The following HTT variants were observed in gnomAD, a reference collection of about 807,000 sequenced individuals.
HTT encodes huntingtin.
A neutral mutation model predicts 362.3 loss-of-function variants in HTT; 104 were observed. The ratio of observed to expected loss-of-function variants is 0.29; its 90% CI spans 0.24 to 0.34. The LOEUF (loss-of-function observed/expected upper bound fraction) is 0.34. HTT is among the 10% of genes least tolerant of loss of function. The probability of loss-of-function intolerance (pLI) is 1.00; values close to 1 mark genes in which losing one functional copy is unlikely to be tolerated. For synonymous variants in HTT, 1,577 were observed against 1,548.7 expected, an observed-to-expected ratio of 1.02 and a Z score of -0.43; for missense variants, 3,301 against 3,928.6, an observed-to-expected ratio of 0.84 and a Z score of 4.27.
intron 1 of HTT, among the ~76,000 whole-genome samples, chr4:3,084,870 C>T (rs111811275): frequency 0.013 from 2,027 of 151,658 alleles, 53 homozygotes; most frequent in African/African-American, 0.047. Context: ...AAAAATTAGC[C>T]GGGTATAGTG....
Position 3,115,579 on chromosome 4 carries a change from C to G in HTT, c.889+134C>G, listed in dbSNP as rs367607563. 1.6e-4 allele frequency: 115 copies of G among 701,106 alleles called. 1 individual carries two copies. The African/African-American group carries it at 2.0e-3, about 12-fold the overall frequency. 43.4% of individuals were successfully genotyped at this position (701,106 alleles called of 1,614,324 possible). On this transcript the variant is annotated intron_variant, in intron 7 of 66. Coordinates refer to ENST00000355072, the MANE Select transcript of HTT (RefSeq NM_001388492.1). ...ACTGGTTGATTGAATGTGAACTGCA[C>G]TGGGGCTGCTGTGAGCCCGCATGGG... is the stretch of plus-strand genomic sequence containing the variant.
chr4:3,151,004 A>C (rs937802820), intron 26 of HTT, among the ~76,000 whole-genome samples: 6 of 151,222 alleles, frequency 4.0e-5, no homozygotes, highest in Non-Finnish European at 7.4e-5. Context: ...GTGCCATTGC[A>C]CTCCAGCCTG....
Position 3,229,086 on chromosome 4 carries a change from C to T in HTT, c.8109+77C>T, listed in dbSNP as rs1721068438. The stretch of plus-strand genomic sequence containing the variant: ...ACACGCCACACACCCCACACACACA[C>T]ACCGCCCACACACATGCCACTTGCA... On this transcript the variant is annotated intron_variant, in intron 59 of 66. Transcript: ENST00000355072. 3.6e-6 allele frequency: 5 copies of T among 1,401,230 alleles called. No individual in the cohort carries two copies. In the African/African-American group the frequency reaches 4.3e-5, roughly 12 times the overall value. The allele number at this position is 1,401,230 out of a possible 1,614,324, so 86.8% of individuals were successfully genotyped here. A position where few individuals can be genotyped will look rare whatever the true frequency, so the allele number is the denominator to read the frequency against.
rs1208340976 is a variant in HTT, at chr4:3,199,829, T to C, written c.5466T>C (p.Ala1822=). 2 of 1,614,074 alleles carry C rather than the reference T, an allele frequency of 1.2e-6. No homozygotes were observed. The highest frequency in any genetic ancestry group is 1.7e-6 in the Non-Finnish European group (2 of 1,180,036). The part of the protein sequence containing the change: ...FYTLDSLNLR[A]RSMITTHPAL... The stretch of plus-strand genomic sequence containing the variant: ...CCCTGGACAGCTTGAACTTGCGGGC[T>C]CGTTCCATGATCACCACCCACCCGG... Residue 1822 remains alanine, a synonymous_variant, in exon 41 of 67, where the codon GCT becomes GCC. Transcript: ENST00000355072.
At chr4:3,120,484 G>A (rs557387643) in intron 8 of HTT, among the ~76,000 whole-genome samples, 2 of 152,346 alleles carry the variant, frequency 1.3e-5, no homozygotes, top group East Asian at 3.9e-4. Flanking sequence ...AGGCTGCAGA[G>A]CGGTATTGGT....
intron 1 of HTT, among the ~76,000 whole-genome samples, chr4:3,079,025 A>G (rs1393639775): frequency 6.6e-6 from 1 of 152,108 alleles, no homozygotes; most frequent in Non-Finnish European, 1.5e-5. Flanking sequence ...TGCTGGGATT[A>G]CAGGCATGAG....
intron 40 of HTT, among the ~76,000 whole-genome samples, chr4:3,199,115 CCTT>C (rs1436385966): frequency 2.0e-5 from 3 of 152,240 alleles, no homozygotes; most frequent in Non-Finnish European, 4.4e-5. Context: ...TTCCCTGACT[CCTT>C]CTCCAGGAGC....
At chr4:3,112,603 T>G (rs993540939) in intron 6 of HTT, among the ~76,000 whole-genome samples, 7 of 152,248 alleles carry the variant, frequency 4.6e-5, no homozygotes, top group Non-Finnish European at 8.8e-5. Flanking sequence ...TCCTGTAGTT[T>G]TAGGAGCTTC....
intron 12 of HTT, 112 bp from the exon 13 acceptor site, chr4:3,129,812 T>G: frequency 7.9e-7 from 1 of 1,270,186 alleles, no homozygotes; most frequent in Non-Finnish European, 1.1e-6. Context: ...GATGAGTACA[T>G]TTGTGTTCTG....
At chr4:3,105,513 C>A in intron 5 of HTT, 77 bp downstream of exon 5, 2 of 1,015,300 alleles carry the variant, frequency 2.0e-6, no homozygotes, top group East Asian at 2.4e-5. Flanking sequence ...GCTCAGATGT[C>A]ATTTCAAAAG....
chr4:3,093,828 C>G (rs1234772513), intron 2 of HTT, among the ~76,000 whole-genome samples: 1 of 147,578 alleles, frequency 6.8e-6, no homozygotes, highest in African/African-American at 2.5e-5. Flanking sequence ...CATTTAGAGC[C>G]TACTCCAGAG....
rs768334951 is a variant in HTT at position 3,115,348 on chromosome 4, C to A, written c.792C>A (p.Pro264=). 3.7e-6 allele frequency: 6 copies of A among 1,614,044 alleles called. No individual in the cohort carries two copies. The African/African-American group carries it at 5.3e-5, about 14-fold the overall frequency. ...TAGCGAACCTGAAGTCAAGCTCCCCCACCATTCGGCGGACAGCGGCTGGAT... is the reference window on the plus strand; with the variant it reads ...TAGCGAACCTGAAGTCAAGCTCCCCAACCATTCGGCGGACAGCGGCTGGAT... ...AFIANLKSSS[P]TIRRTAAGSA... is the part of the protein sequence containing the mutation. The change falls in exon 7 of 67, where the codon CCC becomes CCA. Residue 264 remains proline (P), a synonymous_variant. Transcript: ENST00000355072.
chr4:3,228,954 C>T lies in HTT; in HGVS notation c.8054C>T (p.Pro2685Leu), dbSNP rs201229449. The change falls in exon 59 of 67, where the codon CCG becomes CTG. Residue 2685 changes from proline to leucine, a missense_variant. Physicochemically the swap from Pro to Leu is moderately conservative, Grantham distance 98. Transcript: ENST00000355072. The surrounding 1 kb of genome is among the most constrained non-coding windows in gnomAD (Gnocchi z 4.3). ...GAGTTGTACAGCCGCTGGATCCTGC[C>T]GTCCAGCTCAGCCAGGAGGACCCCG... is the stretch of plus-strand genomic sequence containing the variant. ...LLELYSRWILPSSSARRTPAI... is the reference protein window; with the variant it reads ...LLELYSRWILLSSSARRTPAI... 5.0e-5 allele frequency: 81 copies of T among 1,613,518 alleles called. No homozygotes were observed. The highest frequency in any genetic ancestry group is 4.0e-4 in the Admixed American group (24 of 59,972).
rs1213831438 is a variant in HTT, at chr4:3,240,193, C to T, written c.*134C>T. On this transcript the variant is annotated 3_prime_UTR_variant, in exon 67 of 67. Transcript: ENST00000355072. The stretch of plus-strand genomic sequence containing the variant: ...GCACATGCCGCGGGCGGCCAGGCAA[C>T]GTGCGTGTCTCTGCCATGTGGCAGA... 8.7e-6 allele frequency: 6 copies of T among 689,134 alleles called. No homozygotes were observed. Among genetic ancestry groups the T allele is most frequent in the East Asian group, 2.7e-5 (1 of 36,982 alleles). The allele number at this position is 689,134 out of a possible 1,614,324, so 42.7% of individuals were successfully genotyped here. A position where few individuals can be genotyped will look rare whatever the true frequency, so the allele number is the denominator to read the frequency against.
chr4:3,210,071 A>AG, intron 47 of HTT, 122 bp downstream of exon 47: 1 of 1,257,122 alleles, frequency 8.0e-7, no homozygotes, highest in Non-Finnish European at 1.1e-6. Flanking sequence ...CAGTCTGGGC[A>AG]GGGACGGGAT....
At chr4:3,115,751 G>A (rs577182612) in intron 7 of HTT, among the ~76,000 whole-genome samples, 2 of 152,320 alleles carry the variant, frequency 1.3e-5, no homozygotes, top group African/African-American at 2.4e-5. Flanking sequence ...ACTGTGCCTC[G>A]GGTTCCTGCG....
intron 6 of HTT, among the ~76,000 whole-genome samples, chr4:3,111,111 G>A (rs1440804069): frequency 2.6e-5 from 4 of 152,112 alleles, no homozygotes; most frequent in Non-Finnish European, 5.9e-5. Flanking sequence ...TCAAATTCCT[G>A]GGCTCAAGCA....
intron 3 of HTT, among the ~76,000 whole-genome samples, chr4:3,101,534 C>T (rs1400703154): frequency 6.6e-6 from 1 of 152,208 alleles, no homozygotes; most frequent in Non-Finnish European, 1.5e-5. Flanking sequence ...TGACCCCAGG[C>T]CAGCTGTAGG....
chr4:3,163,807 C>T (rs1717563993), intron 29 of HTT, among the ~76,000 whole-genome samples: 1 of 152,058 alleles, frequency 6.6e-6, no homozygotes, highest in Admixed American at 6.5e-5. Context: ...TGATTCTTCT[C>T]TCTTTTCTTC....
Sources: allele counts gnomAD v4.1 joint callset (sites outside exome capture counted in the v4.1 genomes callset), GRCh38; gene constraint gnomAD v4.1.1; non-coding constraint Gnocchi (gnomAD v3.1); transcripts MANE v1.5; gene names NCBI Gene and HGNC (gene_info 2026-07-23, HGNC 2026-07-21).